Variants in NRG1 observed in about 807,000 individuals in gnomAD.
The protein encoded by NRG1 is neuregulin 1.
In NRG1, 18 loss-of-function variants were observed where a neutral mutation model predicts 63.8. That is an observed-to-expected ratio of 0.28 (90% CI 0.19 to 0.42). The LOEUF is 0.42. Ranked by LOEUF, NRG1 falls within the 10% of genes least tolerant of loss-of-function variation. The probability of loss-of-function intolerance (pLI) is 1.00; values close to 1 mark genes in which losing one functional copy is unlikely to be tolerated. For missense variants in NRG1, 762 were observed against 814.7 expected (o/e 0.94, Z 0.79); for synonymous variants, 302 against 301.3 (o/e 1.00, Z -0.02).
chr8:32,508,449 C>A (rs981181996), intron 1 of NRG1, among the ~76,000 whole-genome samples: 2 of 148,962 alleles, frequency 1.3e-5, no homozygotes, highest in Non-Finnish European at 3.0e-5. Context: ...TGCCACCATA[C>A]CCAGCTAGTT....
At chr8:32,397,643 G>A (rs1035352611) in intron 1 of NRG1, among the ~76,000 whole-genome samples, 22 of 151,596 alleles carry the variant, frequency 1.5e-4, no homozygotes, top group African/African-American at 5.3e-4. Flanking sequence ...CTGACTATTT[G>A]TCCTAGTGAC....
intron 1 of NRG1, among the ~76,000 whole-genome samples, chr8:31,903,435 CACCGCGCCCG>C (rs1461805217): frequency 6.6e-6 from 1 of 151,668 alleles, no homozygotes; most frequent in East Asian, 2.0e-4. Flanking sequence ...AGACGTGAGC[CACCGCGCCCG>C]GCCGAGCCTT....
At chr8:31,643,218 C>T (rs1803972005) in intron 1 of NRG1, among the ~76,000 whole-genome samples, 1 of 152,204 alleles carries the variant, frequency 6.6e-6, no homozygotes, top group African/African-American at 2.4e-5. Context: ...GCAGAAGGCC[C>T]TCACCTAACA....
chr8:32,068,117 C>G (rs1288974821), intron 1 of NRG1, among the ~76,000 whole-genome samples: 2 of 152,144 alleles, frequency 1.3e-5, no homozygotes, highest in Non-Finnish European at 2.9e-5. Flanking sequence ...ATCATTTGTT[C>G]TACAGGTCAG....
At chr8:32,519,272 G>T (rs1448577445) in intron 1 of NRG1, among the ~76,000 whole-genome samples, 1 of 152,098 alleles carries the variant, frequency 6.6e-6, no homozygotes, top group Non-Finnish European at 1.5e-5. Flanking sequence ...AAAAGAAATA[G>T]CTCTGTATTC....
At chr8:31,873,862 A>G (rs988084321) in intron 1 of NRG1, among the ~76,000 whole-genome samples, 1 of 152,232 alleles carries the variant, frequency 6.6e-6, no homozygotes, top group African/African-American at 2.4e-5. Flanking sequence ...CAGTCTACCT[A>G]TGTTAAAATG....
chr8:31,859,616 C>T (rs1056105270), intron 1 of NRG1, among the ~76,000 whole-genome samples: 3 of 152,182 alleles, frequency 2.0e-5, no homozygotes, highest in Admixed American at 6.5e-5. Context: ...AAGAATAAAA[C>T]AGCCACTTAT....
At chr8:32,716,328 G>A (rs558148652) in intron 5 of NRG1, among the ~76,000 whole-genome samples, 3 of 152,300 alleles carry the variant, frequency 2.0e-5, no homozygotes, top group Middle Eastern at 3.4e-3. Context: ...GAAATGTGAG[G>A]AACCGAATTG....
chr8:31,663,415 C>G (rs914569682), intron 1 of NRG1, among the ~76,000 whole-genome samples: 3 of 152,136 alleles, frequency 2.0e-5, no homozygotes, highest in African/African-American at 7.2e-5. Flanking sequence ...AACACCCTTC[C>G]TCCTGCCTCC....
intron 1 of NRG1, among the ~76,000 whole-genome samples, chr8:31,726,019 A>G (rs919900260): frequency 6.6e-6 from 1 of 152,156 alleles, no homozygotes; most frequent in African/African-American, 2.4e-5. Flanking sequence ...ATATTTGGAG[A>G]TTGCTACATA....
chr8:32,365,162 A>G (rs1160727338), intron 1 of NRG1, among the ~76,000 whole-genome samples: 1 of 152,040 alleles, frequency 6.6e-6, no homozygotes, highest in Non-Finnish European at 1.5e-5. Flanking sequence ...TGCTGGAATT[A>G]CAGGCGAGAG....
intron 1 of NRG1, among the ~76,000 whole-genome samples, chr8:32,487,130 T>A (rs1825997401): frequency 7.0e-6 from 1 of 143,854 alleles, no homozygotes. Context: ...TCTTTTAAAT[T>A]TCTGAGTTTC....
At chr8:32,322,027 A>G (rs1801450053) in intron 1 of NRG1, among the ~76,000 whole-genome samples, 1 of 152,044 alleles carries the variant, frequency 6.6e-6, no homozygotes, top group African/African-American at 2.4e-5. Context: ...TTTTTAAATG[A>G]CATTGTCAGG....
intron 1 of NRG1, among the ~76,000 whole-genome samples, chr8:31,990,804 G>T (rs1810937273): frequency 6.6e-6 from 1 of 151,988 alleles, no homozygotes; most frequent in Admixed American, 6.6e-5. Flanking sequence ...ACTTTTCCAG[G>T]ATTGTCCCAT....
At chr8:31,916,038 G>T (rs1393930320) in intron 1 of NRG1, among the ~76,000 whole-genome samples, 3 of 152,038 alleles carry the variant, frequency 2.0e-5, no homozygotes, top group Admixed American at 6.6e-5. Flanking sequence ...CAAGGAAACA[G>T]GAAGACGTTA....
At chr8:31,996,920 G>T (rs1208523783) in intron 1 of NRG1, among the ~76,000 whole-genome samples, 18 of 151,824 alleles carry the variant, frequency 1.2e-4, no homozygotes, top group Admixed American at 1.1e-3. Context: ...TCTCTACTAA[G>T]GGGGGGTGGG....
chr8:32,179,378 A>G (rs962589188), intron 1 of NRG1, among the ~76,000 whole-genome samples: 9 of 152,086 alleles, frequency 5.9e-5, no homozygotes, highest in Non-Finnish European at 1.2e-4. Context: ...ATTTACCCCC[A>G]GGGAAATACA....
intron 1 of NRG1, among the ~76,000 whole-genome samples, chr8:32,484,165 G>T (rs1362777194): frequency 6.6e-6 from 1 of 151,968 alleles, no homozygotes; most frequent in Non-Finnish European, 1.5e-5. Flanking sequence ...TTTGAGGTTT[G>T]GTTTAGGCAG....
At chr8:32,373,068 G>A (rs1563375971) in intron 1 of NRG1, among the ~76,000 whole-genome samples, 2 of 152,154 alleles carry the variant, frequency 1.3e-5, no homozygotes, top group Non-Finnish European at 2.9e-5. Flanking sequence ...AGCCCTTGGG[G>A]TGTGTGTCAG....
Sources: allele counts gnomAD v4.1 joint callset (sites outside exome capture counted in the v4.1 genomes callset), GRCh38; gene constraint gnomAD v4.1.1; transcripts MANE v1.5; gene names NCBI Gene and HGNC (gene_info 2026-07-23, HGNC 2026-07-21).